The following PIP4K2A variants were observed in gnomAD, a reference collection of about 807,000 sequenced individuals.
PIP4K2A encodes phosphatidylinositol-5-phosphate 4-kinase type 2 alpha.
A neutral mutation model predicts 42.9 loss-of-function variants in PIP4K2A; 14 were observed. The observed-to-expected ratio is 0.33, with a 90% CI of 0.22 to 0.51. The LOEUF (loss-of-function observed/expected upper bound fraction) is 0.51, where lower values mean the gene tolerates loss of function less well. Ranked by LOEUF, PIP4K2A falls within the 20% of genes least tolerant of loss-of-function variation. The pLI is 0.97. For synonymous variants in PIP4K2A, 192 were observed against 192.2 expected (o/e 1.00, Z 0.01); for missense variants, 434 against 519.8 (o/e 0.83, Z 1.61).
intron 1 of PIP4K2A, among the ~76,000 whole-genome samples, chr10:22,677,836 A>G (rs537956054): frequency 1.3e-5 from 2 of 152,310 alleles, no homozygotes; most frequent in East Asian, 3.9e-4. Flanking sequence ...GTAAGGTCCT[A>G]AAGTGGCCTT....
chr10:22,676,225 C>T (rs1839555513), intron 1 of PIP4K2A, among the ~76,000 whole-genome samples: 1 of 152,088 alleles, frequency 6.6e-6, no homozygotes, highest in African/African-American at 2.4e-5. Flanking sequence ...CTCAATAAGA[C>T]CCTTGACCAA....
chr10:22,604,954 C>T (rs537475204), intron 3 of PIP4K2A, among the ~76,000 whole-genome samples: 22 of 152,292 alleles, frequency 1.4e-4, no homozygotes, highest in African/African-American at 4.8e-4. Context: ...CAGGGGCCTG[C>T]GAGGTGACCC....
At chr10:22,709,614 A>G (rs1303630660) in intron 1 of PIP4K2A, among the ~76,000 whole-genome samples, 1 of 152,254 alleles carries the variant, frequency 6.6e-6, no homozygotes, top group East Asian at 1.9e-4. Context: ...CCCTGGAAAT[A>G]GAAATCACTG....
intron 5 of PIP4K2A, chr10:22,569,162 G>T: frequency 1.2e-6 from 1 of 808,428 alleles, no homozygotes; most frequent in Non-Finnish European, 2.0e-6. Context: ...GAACGGAAGA[G>T]ACTCCTCACA....
chr10:22,615,944 T>A (rs1294924369), intron 1 of PIP4K2A, among the ~76,000 whole-genome samples: 2 of 151,822 alleles, frequency 1.3e-5, no homozygotes, highest in African/African-American at 4.8e-5. Flanking sequence ...TGTTCCTGTT[T>A]ATGCCGGACT....
chr10:22,584,302 A>G (rs904884630), intron 4 of PIP4K2A, among the ~76,000 whole-genome samples: 3 of 133,864 alleles, frequency 2.2e-5, no homozygotes, highest in African/African-American at 8.8e-5. Flanking sequence ...TCTAGAATAA[A>G]AAAGATAATT....
intron 4 of PIP4K2A, among the ~76,000 whole-genome samples, chr10:22,588,169 T>C (rs1837440419): frequency 6.6e-6 from 1 of 152,258 alleles, no homozygotes; most frequent in Non-Finnish European, 1.5e-5. Context: ...ATTTCCTTGT[T>C]CTTAATTTGC....
chr10:22,705,426 T>TAAA lies in PIP4K2A; in HGVS notation c.144+8754_144+8756dup, dbSNP rs150254345. On this transcript the variant is annotated intron_variant, in intron 1 of 9. Coordinates refer to ENST00000376573, the MANE Select transcript of PIP4K2A (RefSeq NM_005028.5). ...TACGTATTATATTCAGTACCCCAGTTAAAAAAAAAAAAAAAAAAAAAAAAA... is the reference window on the plus strand; with the variant it reads ...TACGTATTATATTCAGTACCCCAGTTAAAAAAAAAAAAAAAAAAAAAAAAAAAA... Among the ~76,000 whole-genome samples, 8 of 29,276 alleles carry TAAA rather than the reference T, an allele frequency of 2.7e-4. 1 individual carries two copies. Among genetic ancestry groups the TAAA allele is most frequent in the Non-Finnish European group, 4.0e-4 (7 of 17,674 alleles). The allele number at this position is 29,276 out of a possible 152,430, so 19.2% of individuals were successfully genotyped here. A position where few individuals can be genotyped will look rare whatever the true frequency, so the allele number is the denominator to read the frequency against.
chr10:22,697,499 T>C (rs1370314437), intron 1 of PIP4K2A, among the ~76,000 whole-genome samples: 1 of 152,132 alleles, frequency 6.6e-6, no homozygotes, highest in East Asian at 1.9e-4. Flanking sequence ...AAAGATCACT[T>C]GAGCCCAGGA....
At chr10:22,567,945 G>C in intron 5 of PIP4K2A, 56 bp from the exon 6 acceptor site, 6 of 1,481,598 alleles carry the variant, frequency 4.0e-6, no homozygotes, top group Non-Finnish European at 5.7e-6. Flanking sequence ...GGTTTCACAC[G>C]CAGAAAATAT....
chr10:22,695,425 T>C (rs187866948), intron 1 of PIP4K2A, among the ~76,000 whole-genome samples: 218 of 152,324 alleles, frequency 1.4e-3, no homozygotes, highest in African/African-American at 5.0e-3. Context: ...TCCTTGTTTT[T>C]CCCAAACTCA....
chr10:22,668,351 C>T (rs116374260), intron 1 of PIP4K2A, among the ~76,000 whole-genome samples: 182 of 152,292 alleles, frequency 1.2e-3, no homozygotes, highest in African/African-American at 4.3e-3. Flanking sequence ...CAGACTATCA[C>T]CAACTAAAAA....
At chr10:22,622,697 C>T (rs561776795) in intron 1 of PIP4K2A, among the ~76,000 whole-genome samples, 12 of 152,332 alleles carry the variant, frequency 7.9e-5, no homozygotes, top group Admixed American at 7.2e-4. Flanking sequence ...TCTTCCAGCA[C>T]CTCGTTCTAA....
intron 4 of PIP4K2A, among the ~76,000 whole-genome samples, chr10:22,590,280 G>A (rs1288490769): frequency 6.6e-6 from 1 of 152,242 alleles, no homozygotes; most frequent in Non-Finnish European, 1.5e-5. Context: ...AAGCAACAAT[G>A]TGTGTATGTG....
intron 1 of PIP4K2A, among the ~76,000 whole-genome samples, chr10:22,645,987 G>A (rs1401428855): frequency 2.0e-5 from 3 of 152,200 alleles, no homozygotes; most frequent in Non-Finnish European, 4.4e-5. Flanking sequence ...GTCCCAAAGT[G>A]CTGGGATTAT....
chr10:22,632,897 T>C (rs1356485060), intron 1 of PIP4K2A, among the ~76,000 whole-genome samples: 2 of 152,264 alleles, frequency 1.3e-5, no homozygotes, highest in African/African-American at 4.8e-5. Context: ...TTTTGTTTTA[T>C]ATTCTTTGGT....
At chr10:22,648,943 G>A (rs1838939652) in intron 1 of PIP4K2A, among the ~76,000 whole-genome samples, 1 of 152,120 alleles carries the variant, frequency 6.6e-6, no homozygotes. Context: ...CACATTCTAG[G>A]ACATCAGTAT....
chr10:22,600,484 G>A (rs533006756), intron 3 of PIP4K2A, among the ~76,000 whole-genome samples: 1 of 152,164 alleles, frequency 6.6e-6, no homozygotes, highest in South Asian at 2.1e-4. Context: ...ACCCACCAGG[G>A]GTGAGTGAGT....
At chr10:22,704,218 T>G (rs1833767881) in intron 1 of PIP4K2A, among the ~76,000 whole-genome samples, 1 of 152,054 alleles carries the variant, frequency 6.6e-6, no homozygotes, top group Non-Finnish European at 1.5e-5. Flanking sequence ...CCTGGGGCAT[T>G]CCAACATTTC....
Sources: gnomAD v4.1 joint callset for allele counts (sites outside exome capture counted in the v4.1 genomes callset) on GRCh38, gnomAD v4.1.1 for gene constraint, MANE v1.5 for transcripts, NCBI Gene and HGNC (gene_info 2026-07-23, HGNC 2026-07-21) for gene names.